The following PTPRD variants were observed in gnomAD, a reference collection of about 807,000 sequenced individuals.
PTPRD encodes the protein receptor-type tyrosine-protein phosphatase delta.
Under a neutral mutation model 214.5 loss-of-function variants are expected in PTPRD, and 34 were observed. The observed-to-expected ratio is 0.16, with a 90% CI of 0.12 to 0.21. PTPRD has a LOEUF of 0.21. PTPRD is among the 10% of genes least tolerant of loss of function. The probability of loss-of-function intolerance (pLI) is 1.00; values close to 1 mark genes in which losing one functional copy is unlikely to be tolerated. For synonymous variants in PTPRD, 1,128 were observed against 845.7 expected, an observed-to-expected ratio of 1.33 and a Z score of -5.79; for missense variants, 2,545 against 2,398.7, an observed-to-expected ratio of 1.06 and a Z score of -1.27.
chr9:9,813,862 A>C (rs528774387), intron 5 of PTPRD, among the ~76,000 whole-genome samples: 38 of 141,708 alleles, frequency 2.7e-4, no homozygotes, highest in Non-Finnish European at 5.2e-4. Context: ...ATCCTCAACA[A>C]AATATTAGCA....
intron 8 of PTPRD, among the ~76,000 whole-genome samples, chr9:9,434,264 G>C (rs1362600113): frequency 2.6e-5 from 4 of 152,020 alleles, no homozygotes; most frequent in Non-Finnish European, 5.9e-5. Flanking sequence ...CTTAACCTTA[G>C]GGTTCTCTGT....
At chr9:10,341,447 T>C (rs1222250444) in intron 2 of PTPRD, among the ~76,000 whole-genome samples, 3 of 151,924 alleles carry the variant, frequency 2.0e-5, no homozygotes, top group Non-Finnish European at 2.9e-5. Flanking sequence ...TAAAAGATAA[T>C]ATAGCAAACA....
chr9:10,425,271 T>C (rs940890479), intron 2 of PTPRD, among the ~76,000 whole-genome samples: 1 of 151,948 alleles, frequency 6.6e-6, no homozygotes. Flanking sequence ...ATTAAAATGC[T>C]AAACAAAAAA....
At chr9:8,730,494 A>G (rs1430711566) in intron 12 of PTPRD, among the ~76,000 whole-genome samples, 2 of 152,226 alleles carry the variant, frequency 1.3e-5, no homozygotes, top group African/African-American at 2.4e-5. Flanking sequence ...GTTTAATTAT[A>G]ATGACCACAG....
At chr9:8,709,476 C>G (rs1172284743) in intron 12 of PTPRD, among the ~76,000 whole-genome samples, 1 of 143,492 alleles carries the variant, frequency 7.0e-6, no homozygotes, top group African/African-American at 2.6e-5. Context: ...GATCACATCA[C>G]TGCACTCCAG....
In PTPRD at chr9:9,367,248, T is replaced by C. The variant is rs548135279; in HGVS notation, c.-203+30201A>G. On this transcript the variant is annotated intron_variant, in intron 9 of 45. Coordinates refer to ENST00000381196, the MANE Select transcript of PTPRD (RefSeq NM_002839.4). The stretch of plus-strand genomic sequence containing the variant: ...TCTATATAGATTACAGTGGGGGAGG[T>C]GGAATTCACTAGAAGTTAACTGGAA... Among the ~76,000 whole-genome samples, 154 of 151,262 alleles carry C rather than the reference T, an allele frequency of 1.0e-3. 1 individual carries two copies. The highest frequency in any genetic ancestry group is 3.4e-3 in the Middle Eastern group (1 of 294).
intron 39 of PTPRD, among the ~76,000 whole-genome samples, chr9:8,372,480 A>G (rs1156294): frequency 0.68 from 103,892 of 151,834 alleles, 36,911 homozygotes; most frequent in Non-Finnish European, 0.8. Context: ...GTGAAGAAAC[A>G]GAGATTAAAT....
chr9:10,595,838 A>G (rs2133127740), intron 2 of PTPRD, among the ~76,000 whole-genome samples: 1 of 151,830 alleles, frequency 6.6e-6, no homozygotes, highest in South Asian at 2.1e-4. Context: ...TATACATTTA[A>G]GATGTTTTAA....
At chr9:8,850,055 T>C (rs925815894) in intron 11 of PTPRD, among the ~76,000 whole-genome samples, 2 of 152,202 alleles carry the variant, frequency 1.3e-5, no homozygotes, top group Middle Eastern at 3.4e-3. Flanking sequence ...GAGATAGGGA[T>C]GACACCAAGG....
intron 9 of PTPRD, among the ~76,000 whole-genome samples, chr9:9,207,295 G>A (rs546182510): frequency 1.3e-5 from 2 of 152,210 alleles, no homozygotes; most frequent in South Asian, 4.1e-4. Flanking sequence ...ATGGAGACAG[G>A]GAGTAGATAG....
chr9:9,305,995 G>T (rs75584531), intron 9 of PTPRD, among the ~76,000 whole-genome samples: 17,534 of 152,098 alleles, frequency 0.12, 1,269 homozygotes, highest in South Asian at 0.16. Flanking sequence ...AAGCCATCCA[G>T]TTTGTGGTAT....
intron 2 of PTPRD, among the ~76,000 whole-genome samples, chr9:10,371,984 G>A (rs2097633711): frequency 6.6e-6 from 1 of 152,002 alleles, no homozygotes; most frequent in South Asian, 2.1e-4. Context: ...TGATGCTAAT[G>A]GCTAACAGCT....
At chr9:9,027,924 A>C (rs924151847) in intron 10 of PTPRD, among the ~76,000 whole-genome samples, 1 of 151,924 alleles carries the variant, frequency 6.6e-6, no homozygotes, top group Non-Finnish European at 1.5e-5. Flanking sequence ...ATCCCCTGTG[A>C]TGAAAAACAT....
chr9:10,403,227 AATATATATATATATATATATAT>A (rs58712564), intron 2 of PTPRD, among the ~76,000 whole-genome samples: 1 of 59,878 alleles, frequency 1.7e-5, no homozygotes, highest in Non-Finnish European at 3.5e-5. Context: ...TGTGTGTGTA[AATATATATATATATATATATAT>A]ATATATATAT....
chr9:8,392,358 T>C (rs556683700), intron 36 of PTPRD, among the ~76,000 whole-genome samples: 1 of 152,108 alleles, frequency 6.6e-6, no homozygotes, highest in South Asian at 2.1e-4. Flanking sequence ...AGACCCTGTC[T>C]CTACAAAACA....
intron 3 of PTPRD, among the ~76,000 whole-genome samples, chr9:10,141,729 T>C (rs1020497121): frequency 5.9e-5 from 9 of 152,076 alleles, no homozygotes; most frequent in Non-Finnish European, 1.3e-4. Context: ...AATGACTTTC[T>C]TCACAGAATT....
Position 8,375,964 on chromosome 9 carries a change from C to T in PTPRD, c.4633G>A (p.Asp1545Asn), listed in dbSNP as rs144763077. 13 of 1,612,528 alleles carry T rather than the reference C, an allele frequency of 8.1e-6. No individual in the cohort carries two copies. Among genetic ancestry groups the T allele is most frequent in the African/African-American group, 4.0e-5 (3 of 74,766 alleles). The change falls in exon 39 of 46, where the codon GAT (aspartate) becomes AAT (asparagine). Residue 1545 changes from aspartate to asparagine, a missense_variant. Transcript: ENST00000381196. Reference sequence around the variant, plus strand: ...CAGTGCACAACCATCGGACCAGCATCGGGAGGGTTACAGGTTTTGACTCTA... The same window carrying T: ...CAGTGCACAACCATCGGACCAGCATTGGGAGGGTTACAGGTTTTGACTCTA... ...LRRVKTCNPP[D>N]AGPMVVHCSA...
chr9:8,594,924 G>A (rs563677081), intron 14 of PTPRD, among the ~76,000 whole-genome samples: 5 of 146,172 alleles, frequency 3.4e-5, no homozygotes, highest in African/African-American at 5.1e-5. Flanking sequence ...GTGCAGTGGC[G>A]CAAACTTGGC....
chr9:9,375,076 T>G (rs986939101), intron 9 of PTPRD, among the ~76,000 whole-genome samples: 1 of 152,180 alleles, frequency 6.6e-6, no homozygotes, highest in African/African-American at 2.4e-5. Context: ...AAACTCTGTG[T>G]GTGTATGTGT....
Sources: allele counts gnomAD v4.1 joint callset (sites outside exome capture counted in the v4.1 genomes callset), GRCh38; gene constraint gnomAD v4.1.1; transcripts MANE v1.5; gene names NCBI Gene and HGNC (gene_info 2026-07-23, HGNC 2026-07-21).